Variants in SMIM14 observed in about 807,000 individuals in gnomAD.
The protein encoded by SMIM14 is small integral membrane protein 14.
In SMIM14, 5 loss-of-function variants were observed where a neutral mutation model predicts 12.6. The ratio of observed to expected loss-of-function variants is 0.40; its 90% CI spans 0.21 to 0.83. The LOEUF is 0.83. Ranked by LOEUF, SMIM14 falls within the 40% of genes least tolerant of loss-of-function variation. The pLI is 0.37. For missense variants in SMIM14, 86 were observed against 119.1 expected (o/e 0.72, Z 1.29); for synonymous variants, 30 against 40.1 (o/e 0.75, Z 0.95).
intron 3 of SMIM14, among the ~76,000 whole-genome samples, chr4:39,559,025 C>T (rs1164405604): frequency 6.6e-6 from 1 of 152,176 alleles, no homozygotes; most frequent in Non-Finnish European, 1.5e-5. Flanking sequence ...CTTATAAAAG[C>T]ATTTTGCATT....
chr4:39,556,170 A>G (rs1712002567), intron 4 of SMIM14, among the ~76,000 whole-genome samples: 1 of 151,962 alleles, frequency 6.6e-6, no homozygotes, highest in Admixed American at 6.6e-5. Context: ...CTGAAAAAAA[A>G]AAAAAAGGAT....
At chr4:39,617,526 C>G (rs1263745881) in intron 1 of SMIM14, among the ~76,000 whole-genome samples, 1 of 152,114 alleles carries the variant, frequency 6.6e-6, no homozygotes, top group Non-Finnish European at 1.5e-5. Context: ...CTGTCTTACC[C>G]TCTATCATCA....
chr4:39,616,131 T>G (rs1715213957), intron 1 of SMIM14, among the ~76,000 whole-genome samples: 1 of 152,020 alleles, frequency 6.6e-6, no homozygotes, highest in African/African-American at 2.4e-5. Context: ...ATTCCCAATT[T>G]TGTTGTTGTT....
chr4:39,553,596 T>G (rs1253395182), intron 4 of SMIM14, among the ~76,000 whole-genome samples: 1 of 135,678 alleles, frequency 7.4e-6, no homozygotes, highest in African/African-American at 2.9e-5. Context: ...ATAATGCCGG[T>G]TTTTTTTTTT....
chr4:39,600,408 G>A (rs1714552862), intron 2 of SMIM14, among the ~76,000 whole-genome samples: 3 of 151,928 alleles, frequency 2.0e-5, no homozygotes. Flanking sequence ...TCAGGAAAAG[G>A]GCCGGGTGTG....
Position 39,619,345 on chromosome 4 carries a change from T to A in SMIM14, c.-35-14165A>T, listed in dbSNP as rs1438527732. ...ATAATTTATTCTATATATCAATAAATATAATTTATTCTATATATCAATAAA... is the reference window on the plus strand; with the variant it reads ...ATAATTTATTCTATATATCAATAAAAATAATTTATTCTATATATCAATAAA... On this transcript the variant is annotated intron_variant, in intron 1 of 4. Coordinates refer to ENST00000295958, the MANE Select transcript of SMIM14 (RefSeq NM_174921.3). 3.7e-5 allele frequency among the ~76,000 whole-genome samples: 3 copies of A among 81,400 alleles called. 1 individual carries two copies. The highest frequency in any genetic ancestry group is 6.4e-5 in the Non-Finnish European group (3 of 46,538). 53.4% of individuals were successfully genotyped at this position (81,400 alleles called of 152,430 possible).
intron 1 of SMIM14, among the ~76,000 whole-genome samples, chr4:39,610,180 TC>T (rs1344505118): frequency 1.3e-5 from 2 of 151,860 alleles, no homozygotes; most frequent in East Asian, 3.9e-4. Flanking sequence ...AAAGACGGGG[TC>T]TCCCTATGTT....
At chr4:39,604,009 T>TTA (rs1714712626) in intron 2 of SMIM14, among the ~76,000 whole-genome samples, 1 of 106,170 alleles carries the variant, frequency 9.4e-6, no homozygotes, top group South Asian at 3.0e-4. Flanking sequence ...AGACACTGTC[T>TTA]CAAAAAAAAA....
At chr4:39,562,618 A>G (rs1173588053) in intron 3 of SMIM14, among the ~76,000 whole-genome samples, 1 of 152,018 alleles carries the variant, frequency 6.6e-6, no homozygotes, top group Non-Finnish European at 1.5e-5. Context: ...CCTCCTGAGT[A>G]GCTGAAATTG....
intron 1 of SMIM14, among the ~76,000 whole-genome samples, chr4:39,615,744 C>T (rs992191584): frequency 1.3e-5 from 2 of 152,134 alleles, no homozygotes; most frequent in Admixed American, 1.3e-4. Context: ...TGAAACAAGA[C>T]TGGCCAGGAG....
intron 2 of SMIM14, among the ~76,000 whole-genome samples, chr4:39,582,306 A>T (rs1713550193): frequency 6.6e-6 from 1 of 152,182 alleles, no homozygotes; most frequent in Non-Finnish European, 1.5e-5. Flanking sequence ...ATTTAACTGG[A>T]TCTTTCCTTT....
chr4:39,617,160 T>A (rs1715257363), intron 1 of SMIM14, among the ~76,000 whole-genome samples: 1 of 152,130 alleles, frequency 6.6e-6, no homozygotes. Context: ...CAACAGATAC[T>A]ACCCAAAATA....
At chr4:39,605,874 G>A (rs1019279888) in intron 1 of SMIM14, among the ~76,000 whole-genome samples, 2 of 152,072 alleles carry the variant, frequency 1.3e-5, no homozygotes, top group African/African-American at 4.8e-5. Flanking sequence ...CGGAGTAGCT[G>A]GGATTACAGG....
At chr4:39,572,336 T>G in intron 3 of SMIM14, 79 bp downstream of exon 3, 1 of 514,390 alleles carries the variant, frequency 1.9e-6, no homozygotes, top group East Asian at 7.6e-5. Context: ...TAAGAATAAA[T>G]TCTGACAAAT....
At chr4:39,628,035 G>A (rs541183831) in intron 1 of SMIM14, among the ~76,000 whole-genome samples, 1 of 152,194 alleles carries the variant, frequency 6.6e-6, no homozygotes, top group African/African-American at 2.4e-5. Context: ...AAGGCTAGGC[G>A]TGGGGGCTCA....
intron 2 of SMIM14, chr4:39,589,485 G>A (rs546180386): frequency 6.6e-6 from 1 of 152,130 alleles, no homozygotes; most frequent in African/African-American, 2.4e-5. Flanking sequence ...AAAATGAAGA[G>A]GATTACCTGC....
At chr4:39,577,336 A>C (rs1342350635) in intron 2 of SMIM14, among the ~76,000 whole-genome samples, 2 of 152,130 alleles carry the variant, frequency 1.3e-5, no homozygotes, top group Non-Finnish European at 2.9e-5. Context: ...CTCCTAGGTA[A>C]AGGGAGCCAG....
chr4:39,619,881 T>A lies in SMIM14; in HGVS notation c.-35-14701A>T, dbSNP rs865843472. Among the ~76,000 whole-genome samples, 403 of 140,282 alleles carry A rather than the reference T, an allele frequency of 2.9e-3. 4 individuals are homozygous for A. Among genetic ancestry groups the A allele is most frequent in the African/African-American group, 6.1e-3 (228 of 37,578 alleles). 92.0% of individuals were successfully genotyped at this position (140,282 alleles called of 152,430 possible). ...ATATTTATATATATATATATATTTT[T>A]TTTTTTTTAAGAGCAAGATAGGGAC... On this transcript the variant is annotated intron_variant, in intron 1 of 4. Coordinates refer to ENST00000295958, the MANE Select transcript of SMIM14 (RefSeq NM_174921.3).
intron 3 of SMIM14, among the ~76,000 whole-genome samples, chr4:39,560,001 G>T (rs781710176): frequency 5.9e-5 from 9 of 151,542 alleles, no homozygotes; most frequent in Non-Finnish European, 1.3e-4. Context: ...GTGTGCCTGC[G>T]GTCCCAGCTA....
Sources: gnomAD v4.1 joint callset for allele counts (sites outside exome capture counted in the v4.1 genomes callset) on GRCh38, gnomAD v4.1.1 for gene constraint, MANE v1.5 for transcripts, NCBI Gene and HGNC (gene_info 2026-07-23, HGNC 2026-07-21) for gene names.